The following TMTC2 variants were observed in gnomAD, a reference collection of about 807,000 sequenced individuals.
The protein encoded by TMTC2 is protein O-mannosyl-transferase TMTC2.
A neutral mutation model predicts 82.4 loss-of-function variants in TMTC2; 43 were observed. The observed-to-expected ratio is 0.52, with a 90% CI of 0.41 to 0.67. TMTC2 has a LOEUF of 0.67. TMTC2 is among the 30% of genes least tolerant of loss of function. The pLI, the probability that TMTC2 is intolerant of heterozygous loss-of-function variation, is 0.00. For synonymous variants in TMTC2, 408 were observed against 381.9 expected (o/e 1.07, Z -0.80); for missense variants, 919 against 1,012.4 (o/e 0.91, Z 1.25).
At chr12:82,949,898 C>T (rs1877253236) in intron 4 of TMTC2, among the ~76,000 whole-genome samples, 2 of 152,130 alleles carry the variant, frequency 1.3e-5, no homozygotes. Flanking sequence ...GGTTGTGATG[C>T]ATTTCTTGGT....
chr12:82,815,551 A>T (rs763190443), intron 1 of TMTC2, among the ~76,000 whole-genome samples: 6 of 151,930 alleles, frequency 3.9e-5, no homozygotes, highest in Middle Eastern at 3.2e-3. Context: ...TGCCCTCATG[A>T]TCCGCCCACT....
Position 83,035,520 on chromosome 12 carries a change from C to CA in TMTC2, c.2152+4642dup, listed in dbSNP as rs1316864046. Among the ~76,000 whole-genome samples, 37 of 152,266 alleles carry CA rather than the reference C, an allele frequency of 2.4e-4. No individual in the cohort carries two copies. The East Asian group carries it at 3.7e-3, about 15-fold the overall frequency. ...TGTTTGTAACATATACCCAATTTCT[C>CA]ACAGCTCTTTTATCAAAATTTTAAG... is the stretch of plus-strand genomic sequence containing the variant. On this transcript the variant is annotated intron_variant, in intron 9 of 11. Coordinates refer to ENST00000321196, the MANE Select transcript of TMTC2 (RefSeq NM_152588.3).
At chr12:82,997,572 A>G (rs548610090) in intron 8 of TMTC2, among the ~76,000 whole-genome samples, 1 of 150,266 alleles carries the variant, frequency 6.7e-6, no homozygotes, top group East Asian at 2.0e-4. Flanking sequence ...GTAATGCTAC[A>G]TAGCAAGGAT....
intron 9 of TMTC2, among the ~76,000 whole-genome samples, chr12:83,039,022 C>T (rs1410321421): frequency 6.6e-6 from 1 of 151,394 alleles, no homozygotes; most frequent in Non-Finnish European, 1.5e-5. Context: ...ACCTCTGCCC[C>T]CCGGGTTCAA....
rs1036814606 is a variant in TMTC2, at chr12:82,824,992, G to A, written c.84-32018G>A. Among the ~76,000 whole-genome samples, 5 of 152,174 alleles carry A rather than the reference G, an allele frequency of 3.3e-5. No individual in the cohort carries two copies. The South Asian group carries it at 1.0e-3, about 32-fold the overall frequency. ...TTATCCCAGCTACTTGGGAGCCTGA[G>A]GCAGGGGAATCACTTGAACCCGGAA... On this transcript the variant is annotated intron_variant, in intron 1 of 11. Transcript: ENST00000321196.
intron 7 of TMTC2, among the ~76,000 whole-genome samples, chr12:82,980,615 A>T (rs1878874872): frequency 6.6e-6 from 1 of 151,812 alleles, no homozygotes; most frequent in African/African-American, 2.4e-5. Context: ...CTAGAAAAAA[A>T]AAATTATAAT....
At chr12:82,940,000 T>C (rs1876615436) in intron 4 of TMTC2, among the ~76,000 whole-genome samples, 1 of 151,230 alleles carries the variant, frequency 6.6e-6, no homozygotes, top group African/African-American at 2.4e-5. Context: ...CATGTATTTC[T>C]TTTTCTTTCT....
At chr12:82,825,290 A>G (rs540167045) in intron 1 of TMTC2, among the ~76,000 whole-genome samples, 49 of 152,304 alleles carry the variant, frequency 3.2e-4, no homozygotes, top group Non-Finnish European at 5.7e-4. Context: ...CAAAGTATTT[A>G]TAACAGGACA....
At chr12:82,964,104 T>A (rs1355338122) in intron 4 of TMTC2, among the ~76,000 whole-genome samples, 1 of 151,690 alleles carries the variant, frequency 6.6e-6, no homozygotes, top group Non-Finnish European at 1.5e-5. Flanking sequence ...CCAAGTTGAA[T>A]CTGCAATTTG....
chr12:83,060,055 A>C (rs1882684787), intron 10 of TMTC2, among the ~76,000 whole-genome samples: 1 of 151,656 alleles, frequency 6.6e-6, no homozygotes, highest in Non-Finnish European at 1.5e-5. Flanking sequence ...CCTTTATTAA[A>C]TACCCTAGTG....
chr12:82,834,164 A>C (rs1023040747), intron 1 of TMTC2, among the ~76,000 whole-genome samples: 1 of 152,192 alleles, frequency 6.6e-6, no homozygotes, highest in Non-Finnish European at 1.5e-5. Flanking sequence ...AGGAAGCAAA[A>C]ATGAGACAAC....
chr12:82,888,683 G>C (rs1873229923), intron 2 of TMTC2, among the ~76,000 whole-genome samples: 1 of 152,182 alleles, frequency 6.6e-6, no homozygotes, highest in Admixed American at 6.5e-5. Context: ...ACTTTTAAAA[G>C]TTTGAGGGTC....
intron 9 of TMTC2, among the ~76,000 whole-genome samples, chr12:83,049,000 A>C (rs1882246454): frequency 6.6e-6 from 1 of 152,226 alleles, no homozygotes; most frequent in Non-Finnish European, 1.5e-5. Flanking sequence ...CTTAAAATAG[A>C]GGTATTTCTT....
chr12:82,907,845 G>T (rs1308079258), intron 3 of TMTC2, among the ~76,000 whole-genome samples: 1 of 152,094 alleles, frequency 6.6e-6, no homozygotes, highest in Non-Finnish European at 1.5e-5. Flanking sequence ...CAGGCGCGGT[G>T]GCTCATGCCT....
intron 9 of TMTC2, among the ~76,000 whole-genome samples, chr12:83,032,203 A>G (rs978930857): frequency 6.8e-6 from 1 of 147,764 alleles, no homozygotes; most frequent in Non-Finnish European, 1.5e-5. Flanking sequence ...CCTCATACTG[A>G]TTCTACTTAC....
At chr12:82,929,135 C>T (rs1053584681) in intron 3 of TMTC2, among the ~76,000 whole-genome samples, 9 of 151,924 alleles carry the variant, frequency 5.9e-5, no homozygotes, top group East Asian at 3.9e-4. Context: ...AGTGCGGTGG[C>T]GTGATCATGG....
chr12:82,747,015 C>G (rs1185855056), intron 1 of TMTC2, among the ~76,000 whole-genome samples: 1 of 152,194 alleles, frequency 6.6e-6, no homozygotes, highest in African/African-American at 2.4e-5. Context: ...CCCAGTCTGG[C>G]CATTACCTTG....
intron 1 of TMTC2, among the ~76,000 whole-genome samples, chr12:82,765,440 C>G (rs1417496346): frequency 6.6e-6 from 1 of 151,986 alleles, no homozygotes; most frequent in South Asian, 2.1e-4. Context: ...TTTGGGAGTC[C>G]GAGGCGGGCA....
chr12:82,877,524 T>C lies in TMTC2; in HGVS notation c.655-18294T>C, dbSNP rs1038829118. On this transcript the variant is annotated intron_variant, in intron 2 of 11. Transcript: ENST00000321196. ...TTATGTAATTTTATTACTGTCTTCT[T>C]GTTGTGGGGAACATGCAAGTCTAAC... Among the ~76,000 whole-genome samples the C allele has an allele frequency of 2.6e-5, 4 of 152,198 alleles. No individual in the cohort carries two copies. The East Asian group carries it at 7.7e-4, about 29-fold the overall frequency.
Sources: gnomAD v4.1 joint callset for allele counts (sites outside exome capture counted in the v4.1 genomes callset) on GRCh38, gnomAD v4.1.1 for gene constraint, MANE v1.5 for transcripts, NCBI Gene and HGNC (gene_info 2026-07-23, HGNC 2026-07-21) for gene names.